COG6: variants seen among roughly 807,000 people sequenced by gnomAD.
The protein encoded by COG6 is conserved oligomeric Golgi complex subunit 6.
Under a neutral mutation model 88.8 loss-of-function variants are expected in COG6, and 74 were observed. The observed-to-expected ratio is 0.83, with a 90% CI of 0.69 to 1.01. COG6 has a LOEUF of 1.01. COG6 is among the 50% of genes least tolerant of loss of function. The pLI, the probability that COG6 is intolerant of heterozygous loss-of-function variation, is 0.00. For missense variants in COG6, 800 were observed against 797.9 expected (o/e 1.00, Z -0.03); for synonymous variants, 286 against 278.7 (o/e 1.03, Z -0.26).
intron 13 of COG6, among the ~76,000 whole-genome samples, chr13:39,706,081 G>A (rs1367177746): frequency 6.6e-6 from 1 of 150,742 alleles, no homozygotes; most frequent in African/African-American, 2.4e-5. Context: ...AATTTATCTT[G>A]GACAATTTTA....
chr13:39,687,055 T>G (rs990383281), intron 8 of COG6, among the ~76,000 whole-genome samples: 2 of 152,146 alleles, frequency 1.3e-5, no homozygotes, highest in African/African-American at 2.4e-5. Flanking sequence ...CTAATTATAA[T>G]CAGTTTTTGA....
chr13:39,673,768 A>G (rs1875792056), intron 4 of COG6, among the ~76,000 whole-genome samples: 1 of 151,914 alleles, frequency 6.6e-6, no homozygotes, highest in Non-Finnish European at 1.5e-5. Context: ...AACCACAATT[A>G]ATATTTTGGT....
exon 19 of COG6, chr13:39,788,401 C>T (rs1373016313): frequency 6.5e-7 from 1 of 1,546,358 alleles, no homozygotes; most frequent in East Asian, 2.4e-5. Flanking sequence ...GGAGCCATTC[C>T]AGTTGTGGGA....
At chr13:39,719,499 A>G (rs1467739537) in intron 14 of COG6, 132 bp downstream of exon 14, 18 of 1,165,974 alleles carry the variant, frequency 1.5e-5, no homozygotes, top group Non-Finnish European at 7.4e-6. Flanking sequence ...CAAATATTAA[A>G]CCAGTTATCA....
At chr13:39,663,149 T>C (rs960384396) in intron 3 of COG6, among the ~76,000 whole-genome samples, 1 of 151,956 alleles carries the variant, frequency 6.6e-6, no homozygotes, top group Non-Finnish European at 1.5e-5. Context: ...ATCTTTAACA[T>C]TTAAGATAAA....
chr13:39,757,858 C>T lies in COG6; in HGVS notation c.1826+30310C>T, dbSNP rs142044031. Among the ~76,000 whole-genome samples the T allele has an allele frequency of 6.2e-3, 950 of 152,294 alleles. 4 individuals carry two copies. The highest frequency in any genetic ancestry group is 0.011 in the Non-Finnish European group (716 of 68,024). ...TCACATCCATGTATAAGTGGACCCA[C>T]GCAGTTCAAACCCGTATTGCTCAAG... On this transcript the variant is annotated intron_variant, in intron 18 of 18. Transcript: ENST00000416691.
At position 39,682,252 on chromosome 13, in the gene COG6, C is replaced by G; in HGVS notation, c.776C>G (p.Pro259Arg). The change falls in exon 8 of 19, where the codon CCT becomes CGT. Residue 259 changes from proline (P) to arginine (R), a missense_variant. Coordinates refer to ENST00000455146, the MANE Select transcript of COG6 (RefSeq NM_020751.3). ...TQAMEALQDR[P>R]VLYKYTLDEF... ...GCAATGGAAGCCCTGCAGGACAGAC[C>G]TGTCTTATATAAGTTGGTGACTTTT... The G allele has an allele frequency of 6.2e-7, 1 of 1,604,902 alleles. No homozygotes were observed. The highest frequency in any genetic ancestry group is 1.1e-5 in the South Asian group (1 of 90,826).
At chr13:39,670,836 A>C (rs1378846361) in intron 4 of COG6, among the ~76,000 whole-genome samples, 2 of 151,962 alleles carry the variant, frequency 1.3e-5, no homozygotes, top group African/African-American at 4.8e-5. Flanking sequence ...TAATAGTTTT[A>C]ATTTATTTTT....
chr13:39,678,528 T>C (rs1255724774), intron 5 of COG6, among the ~76,000 whole-genome samples: 1 of 152,278 alleles, frequency 6.6e-6, no homozygotes, highest in African/African-American at 2.4e-5. Flanking sequence ...GACAGAATTA[T>C]ATAACCTCTC....
chr13:39,679,868 G>C, intron 6 of COG6, 107 bp from the exon 7 acceptor site: 1 of 703,252 alleles, frequency 1.4e-6, no homozygotes, highest in Non-Finnish European at 2.5e-6. Flanking sequence ...CCCATAAAAT[G>C]ATAAAAAGTT....
At chr13:39,774,865 G>A (rs984401305) in intron 18 of COG6, among the ~76,000 whole-genome samples, 80 of 152,072 alleles carry the variant, frequency 5.3e-4, no homozygotes, top group Admixed American at 5.0e-3. Context: ...GAGCCACCGC[G>A]CCTGGCTGGA....
intron 3 of COG6, 109 bp downstream of exon 3, chr13:39,660,990 G>T (rs570155570): frequency 1.3e-4 from 93 of 709,914 alleles, no homozygotes; most frequent in Non-Finnish European, 1.9e-4. Context: ...AGGAAATTTG[G>T]GTATAAATAT....
At chr13:39,733,911 A>G (rs985996714) in intron 18 of COG6, among the ~76,000 whole-genome samples, 1 of 152,220 alleles carries the variant, frequency 6.6e-6, no homozygotes, top group South Asian at 2.1e-4. Flanking sequence ...TTCTAAGCTT[A>G]TAGTTGCTCA....
downstream of COG6, among the ~76,000 whole-genome samples, chr13:39,755,977 C>T (rs1272156084): frequency 6.6e-6 from 1 of 152,106 alleles, no homozygotes; most frequent in Non-Finnish European, 1.5e-5. Context: ...CGGGGTGGGG[C>T]AAGAGAATCT....
At chr13:39,656,213 A>C in intron 1 of COG6, 1 of 513,002 alleles carries the variant, frequency 1.9e-6, no homozygotes, top group East Asian at 5.2e-5. Context: ...GTGAGCTGGG[A>C]GAGTGGAGGA....
chr13:39,787,391 G>C (rs1376539000), intron 18 of COG6, among the ~76,000 whole-genome samples: 2 of 152,082 alleles, frequency 1.3e-5, no homozygotes, highest in Non-Finnish European at 2.9e-5. Flanking sequence ...CGTGTGGTGT[G>C]TGTGGTGTGT....
At chr13:39,748,244 A>G (rs938105580) in intron 18 of COG6, among the ~76,000 whole-genome samples, 3 of 152,198 alleles carry the variant, frequency 2.0e-5, no homozygotes, top group African/African-American at 7.2e-5. Context: ...TTAATGAAAA[A>G]TAATTTTTGC....
At chr13:39,680,510 C>T (rs1262737493) in intron 7 of COG6, among the ~76,000 whole-genome samples, 3 of 152,228 alleles carry the variant, frequency 2.0e-5, no homozygotes, top group African/African-American at 7.2e-5. Flanking sequence ...TTGCCTTACA[C>T]TTCTGTAGGT....
At chr13:39,737,330 A>C (rs548879474) in intron 18 of COG6, among the ~76,000 whole-genome samples, 1 of 151,986 alleles carries the variant, frequency 6.6e-6, no homozygotes, top group Non-Finnish European at 1.5e-5. Flanking sequence ...ACTACTGCCT[A>C]TGTTCCCTCA....
Sources: gnomAD v4.1 joint callset for allele counts (sites outside exome capture counted in the v4.1 genomes callset) on GRCh38, gnomAD v4.1.1 for gene constraint, MANE v1.5 for transcripts, NCBI Gene and HGNC (gene_info 2026-07-23, HGNC 2026-07-21) for gene names.